The following ZNF333 variants were observed in gnomAD, a reference collection of about 807,000 sequenced individuals.
ZNF333 encodes the protein zinc finger protein 333.
In ZNF333, 61 loss-of-function variants were observed where a neutral mutation model predicts 76.1. That is an observed-to-expected ratio of 0.80 (90% confidence interval 0.65 to 0.99). ZNF333 has a LOEUF of 0.99. Among genes scored for constraint, ZNF333 ranks in the 50% least tolerant of loss-of-function variants. The pLI, the probability that ZNF333 is intolerant of heterozygous loss-of-function variation, is 0.00. For missense variants in ZNF333, 717 were observed against 822.4 expected (o/e 0.87, Z 1.57); for synonymous variants, 284 against 305.0 (o/e 0.93, Z 0.72).
At chr19:14,715,208 C>T (rs2042393114) in intron 7 of ZNF333, 174 bp from the exon 8 acceptor site, 3 of 587,682 alleles carry the variant, frequency 5.1e-6, no homozygotes, top group Non-Finnish European at 9.2e-6. Context: ...TGATTGCATG[C>T]ATGCGTGTGC....
intron 4 of ZNF333, among the ~76,000 whole-genome samples, chr19:14,698,935 T>TATATATATATACAC (rs1180611568): frequency 3.7e-4 from 51 of 139,330 alleles, no homozygotes; most frequent in South Asian, 1.6e-3. Flanking sequence ...TATATATATA[T>TATATATATATACAC]ACACACATAT....
intron 7 of ZNF333, among the ~76,000 whole-genome samples, chr19:14,711,980 G>A (rs1450560562): frequency 6.6e-6 from 1 of 152,008 alleles, no homozygotes; most frequent in Non-Finnish European, 1.5e-5. Context: ...CTCTGAGGGC[G>A]ACGTTTCAGT....
Position 14,697,319 on chromosome 19 carries a change from G to T in ZNF333, c.223+1658G>T, listed in dbSNP as rs183097206. Among the ~76,000 whole-genome samples, 6 of 147,894 alleles carry T rather than the reference G, an allele frequency of 4.1e-5. No homozygotes were observed. In the East Asian group the frequency reaches 1.2e-3, roughly 29 times the overall value. The stretch of plus-strand genomic sequence containing the variant: ...CTTTTTAGCTATTGTGAATAATGTT[G>T]CTGTGAATGTTTGTGTACAATATTT... On this transcript the variant is annotated intron_variant, in intron 4 of 11. Coordinates refer to ENST00000292530, the MANE Select transcript of ZNF333 (RefSeq NM_032433.4).
intron 6 of ZNF333, chr19:14,706,477 G>T (rs763142544): frequency 1.8e-6 from 1 of 561,760 alleles, no homozygotes; most frequent in Non-Finnish European, 3.2e-6. Flanking sequence ...CTGCCTGGGT[G>T]CCCTCTCTCC....
In ZNF333 at chr19:14,719,874, GTGTGCACTATTAA is replaced by G; in HGVS notation, c.*550_*562del. On this transcript the variant is annotated 3_prime_UTR_variant, in exon 12 of 12. Coordinates refer to ENST00000292530, the MANE Select transcript of ZNF333 (RefSeq NM_032433.4). ...CCTGGGTTTTCTGTTCAGATTGGCAGTGTGCACTATTAAAAAGCTTCCATCTCCCGGCTGGGCA... is the reference window on the plus strand; with the variant it reads ...CCTGGGTTTTCTGTTCAGATTGGCAGAAAGCTTCCATCTCCCGGCTGGGCA... The G allele has an allele frequency of 1.0e-6, 1 of 986,194 alleles. No individual in the cohort carries two copies. The allele number at this position is 986,194 out of a possible 1,614,324, so 61.1% of individuals were successfully genotyped here.
intron 11 of ZNF333, among the ~76,000 whole-genome samples, chr19:14,728,351 T>C (rs1178240896): frequency 6.6e-6 from 1 of 152,222 alleles, no homozygotes; most frequent in East Asian, 1.9e-4. Flanking sequence ...TCTCTTCTTA[T>C]GCTAGGGTGT....
chr19:14,703,188 G>A (rs1599712566), intron 5 of ZNF333, among the ~76,000 whole-genome samples: 1 of 132,608 alleles, frequency 7.5e-6, no homozygotes, highest in Admixed American at 8.5e-5. Flanking sequence ...CTGGGCGACA[G>A]CAAGACTCCG....
intron 5 of ZNF333, chr19:14,701,604 G>C: frequency 1.0e-6 from 1 of 985,460 alleles, no homozygotes; most frequent in Non-Finnish European, 1.2e-6. Context: ...TGTGAAGAAA[G>C]GAGAGAGGGA....
chr19:14,715,143 ATATG>A (rs1485565751), intron 7 of ZNF333: 2 of 479,040 alleles, frequency 4.2e-6, no homozygotes, highest in Non-Finnish European at 7.8e-6. Flanking sequence ...GTAACTGTGT[ATATG>A]TGTGCGTGTT....
chr19:14,718,933 T>C lies in ZNF333; in HGVS notation c.1606T>C (p.Cys536Arg), dbSNP rs1415475403. The C allele has an allele frequency of 3.7e-6, 6 of 1,613,800 alleles. No homozygotes were observed. The highest frequency in any genetic ancestry group is 1.7e-5 in the Admixed American group (1 of 59,988). ...ACACACAGGGGAGAAACTGTATGAG[T>C]GCGCGACTTGCGGTCAGGTCTTGAG... is the stretch of plus-strand genomic sequence containing the variant. Reference protein sequence around the residue: ...RIHTGEKLYECATCGQVLSRL... With the variant: ...RIHTGEKLYERATCGQVLSRL... Residue 536 changes from cysteine (C) to arginine (R), a missense_variant, in exon 12 of 12, where the codon TGC (cysteine) becomes CGC (arginine). By Grantham distance (180) the Cys-to-Arg change is radical. Transcript: ENST00000292530.
At chr19:14,694,331 G>C (rs1447423125) in intron 2 of ZNF333, among the ~76,000 whole-genome samples, 5 of 152,118 alleles carry the variant, frequency 3.3e-5, no homozygotes, top group African/African-American at 7.2e-5. Flanking sequence ...AAAGTTAGCT[G>C]GGTGTGTGGC....
In ZNF333 at chr19:14,690,106, G is replaced by GCGGCGCGGCACGGCA. The variant is rs1427558329; in HGVS notation, c.-83_-82insCGCGGCACGGCACGG. ...GCTGAGCTGTGCTGCGCGGCGCGGC[G>GCGGCGCGGCACGGCA]CGGTGCGGCACGGCACGGTGGGAGT... On this transcript the variant is annotated 5_prime_UTR_variant, in exon 1 of 12. Transcript: ENST00000292530. 1 of 148,768 alleles carries GCGGCGCGGCACGGCA rather than the reference G, an allele frequency of 6.7e-6. No homozygotes were observed. Among genetic ancestry groups the GCGGCGCGGCACGGCA allele is most frequent in the Non-Finnish European group, 1.5e-5 (1 of 67,622 alleles). The allele number at this position is 148,768 out of a possible 1,614,324, so 9.2% of individuals were successfully genotyped here. A position where few individuals can be genotyped will look rare whatever the true frequency, so the allele number is the denominator to read the frequency against.
chr19:14,694,066 A>G (rs1391748269), intron 2 of ZNF333, among the ~76,000 whole-genome samples: 2 of 152,034 alleles, frequency 1.3e-5, no homozygotes, highest in African/African-American at 4.8e-5. Flanking sequence ...AGTGCTCAAC[A>G]GCCACATGTG....
intron 7 of ZNF333, chr19:14,708,516 G>T (rs1312767808): frequency 2.5e-6 from 1 of 394,446 alleles, no homozygotes; most frequent in African/African-American, 2.1e-5. Flanking sequence ...TTCTGGGAAA[G>T]GATGGATATT....
chr19:14,694,909 C>A, intron 2 of ZNF333, 101 bp from the exon 3 acceptor site: 2 of 1,553,892 alleles, frequency 1.3e-6, no homozygotes, highest in Admixed American at 1.8e-5. Context: ...ATTTTCCATG[C>A]CTGCTGTGTC....
chr19:14,719,396 T>C lies in ZNF333; in HGVS notation c.*71T>C. ...TCGTAATACTCCTTTAGCTGCATCC[T>C]GTGTTTCAATGTATAATATTTTCAT... On this transcript the variant is annotated 3_prime_UTR_variant, in exon 12 of 12. Transcript: ENST00000292530. 1 of 1,421,066 alleles carries C rather than the reference T, an allele frequency of 7.0e-7. No homozygotes were observed. The highest frequency in any genetic ancestry group is 1.4e-5 in the South Asian group (1 of 70,966). The allele number at this position is 1,421,066 out of a possible 1,614,324, so 88.0% of individuals were successfully genotyped here. A position where few individuals can be genotyped will look rare whatever the true frequency, so the allele number is the denominator to read the frequency against.
intron 11 of ZNF333, among the ~76,000 whole-genome samples, chr19:14,727,385 C>T (rs2042640714): frequency 6.6e-6 from 1 of 152,148 alleles, no homozygotes; most frequent in Non-Finnish European, 1.5e-5. Context: ...ATGGTACCAA[C>T]ATCTGCTTGT....
At chr19:14,731,308 G>T (rs2042669358) in exon 12 of ZNF333, 3 of 986,874 alleles carry the variant, frequency 3.0e-6, no homozygotes, top group Admixed American at 4.2e-5. Context: ...TCTGAAGCTT[G>T]CAGGTCAGTG....
downstream of ZNF333, among the ~76,000 whole-genome samples, chr19:14,725,126 C>A (rs530598023): frequency 7.9e-5 from 12 of 152,120 alleles, no homozygotes; most frequent in Non-Finnish European, 1.2e-4. Flanking sequence ...GAAGCAGGAG[C>A]AGGAACATCA....
Sources: allele counts gnomAD v4.1 joint callset (sites outside exome capture counted in the v4.1 genomes callset), GRCh38; gene constraint gnomAD v4.1.1; transcripts MANE v1.5; gene names NCBI Gene and HGNC (gene_info 2026-07-23, HGNC 2026-07-21).